FMNL3: variants seen among roughly 807,000 people sequenced by gnomAD.
FMNL3 encodes formin-like protein 3.
A neutral mutation model predicts 119.6 loss-of-function variants in FMNL3; 57 were observed. The ratio of observed to expected loss-of-function variants is 0.48; its 90% CI spans 0.39 to 0.59. The LOEUF is 0.59. Ranked by LOEUF, FMNL3 falls within the 20% of genes least tolerant of loss-of-function variation. The pLI is 0.00. For missense variants in FMNL3, 1,053 were observed against 1,323.5 expected (o/e 0.80, Z 3.17); for synonymous variants, 491 against 507.3 (o/e 0.97, Z 0.43).
At position 49,643,990 on chromosome 12, in the gene FMNL3, A is replaced by G. The variant is rs1181301180; in HGVS notation, c.*1825T>C. On this transcript the variant is annotated 3_prime_UTR_variant, in exon 26 of 26. Coordinates refer to ENST00000335154, the MANE Select transcript of FMNL3 (RefSeq NM_175736.5). ...CCCTAACCGTTCCCCAGGCTTTGGA[A>G]TCAAGAAGGAGAAGGTGAGGGGCAG... 17 of 1,614,062 alleles carry G rather than the reference A, an allele frequency of 1.1e-5. No homozygotes were observed. The highest frequency in any genetic ancestry group is 1.4e-5 in the Non-Finnish European group (17 of 1,180,034).
chr12:49,652,862 G>C (rs539822109), intron 13 of FMNL3, among the ~76,000 whole-genome samples: 1 of 152,274 alleles, frequency 6.6e-6, no homozygotes, highest in Admixed American at 6.5e-5. Context: ...CTAATACACA[G>C]AGCACTTGGT....
intron 1 of FMNL3, among the ~76,000 whole-genome samples, chr12:49,681,460 A>T (rs1473740096): frequency 6.6e-6 from 1 of 152,154 alleles, no homozygotes; most frequent in Non-Finnish European, 1.5e-5. Flanking sequence ...AAGTGCTGGG[A>T]TTACAAGCGT....
chr12:49,706,784 G>A (rs1056692058), intron 1 of FMNL3, among the ~76,000 whole-genome samples: 1 of 152,222 alleles, frequency 6.6e-6, no homozygotes, highest in Admixed American at 6.5e-5. Flanking sequence ...GGAGGAAGAA[G>A]GAGGGAGAAG....
Position 49,636,633 on chromosome 12 carries a change from C to T in FMNL3, c.*9182G>A. On this transcript the variant is annotated 3_prime_UTR_variant, in exon 26 of 26. Transcript: ENST00000335154. ...GGTATCCCTAGCACCTGTAGGACAG[C>T]ATCGTTGAAACATTAGGGGTGCTGG... is the stretch of plus-strand genomic sequence containing the variant. 1 of 1,583,580 alleles carries T rather than the reference C, an allele frequency of 6.3e-7. No individual in the cohort carries two copies. Among genetic ancestry groups the T allele is most frequent in the Non-Finnish European group, 8.6e-7 (1 of 1,158,178 alleles).
chr12:49,671,773 C>A (rs542242616), intron 1 of FMNL3, among the ~76,000 whole-genome samples: 2 of 152,184 alleles, frequency 1.3e-5, no homozygotes, highest in Non-Finnish European at 2.9e-5. Context: ...TTCAGTGGTT[C>A]CACAGACACT....
chr12:49,665,231 A>G (rs1441466856), intron 4 of FMNL3, among the ~76,000 whole-genome samples: 1 of 151,380 alleles, frequency 6.6e-6, no homozygotes, highest in Non-Finnish European at 1.5e-5. Flanking sequence ...GGGACTGGAA[A>G]AAAAAAAAAA....
At chr12:49,653,393 C>T (rs998895085) in intron 12 of FMNL3, 66 bp from the exon 13 acceptor site, 2 of 1,539,352 alleles carry the variant, frequency 1.3e-6, no homozygotes, top group East Asian at 4.5e-5. Context: ...CAGCCTGAAC[C>T]CTAGTCAAGA....
chr12:49,702,278 A>C (rs758780582), intron 1 of FMNL3, among the ~76,000 whole-genome samples: 20 of 152,180 alleles, frequency 1.3e-4, no homozygotes, highest in Non-Finnish European at 2.2e-4. Context: ...ATGTCACTGC[A>C]CTCCACCATG....
chr12:49,643,582 C>T lies in FMNL3; in HGVS notation c.*2233G>A, dbSNP rs1942954993. On this transcript the variant is annotated 3_prime_UTR_variant, in exon 26 of 26. Coordinates refer to ENST00000335154, the MANE Select transcript of FMNL3 (RefSeq NM_175736.5). Reference sequence around the variant, plus strand: ...AGAAGGAAAACTGGACTTAGACTTCCTCAGAGCATGAGGTTCCTGCCTGTG... The same window carrying T: ...AGAAGGAAAACTGGACTTAGACTTCTTCAGAGCATGAGGTTCCTGCCTGTG... 1 of 1,398,052 alleles carries T rather than the reference C, an allele frequency of 7.2e-7. No individual in the cohort carries two copies. The highest frequency in any genetic ancestry group is 2.4e-5 in the East Asian group (1 of 42,278). The allele number at this position is 1,398,052 out of a possible 1,614,324, so 86.6% of individuals were successfully genotyped here.
chr12:49,645,811 G>T lies in FMNL3; in HGVS notation c.*4C>A, dbSNP rs374922199. 33 of 1,598,368 alleles carry T rather than the reference G, an allele frequency of 2.1e-5. No individual in the cohort carries two copies. Among genetic ancestry groups the T allele is most frequent in the Non-Finnish European group, 2.6e-5 (30 of 1,175,136 alleles). On this transcript the variant is annotated 3_prime_UTR_variant, in exon 26 of 26. Coordinates refer to ENST00000335154, the MANE Select transcript of FMNL3 (RefSeq NM_175736.5). The stretch of plus-strand genomic sequence containing the variant: ...GGTGAAGTGCTTCTGCCTCCGAGAG[G>T]GTCTCAGTGGGGGCCTGGAGCCCGA...
Position 49,647,894 on chromosome 12 carries a change from C to A in FMNL3, c.2677-90G>T, listed in dbSNP as rs1031378470. The A allele has an allele frequency of 4.5e-6, 5 of 1,102,088 alleles. No homozygotes were observed. The African/African-American group carries it at 4.7e-5, about 10-fold the overall frequency. 68.3% of individuals were successfully genotyped at this position (1,102,088 alleles called of 1,614,324 possible). A position where few individuals can be genotyped will look rare whatever the true frequency, so the allele number is the denominator to read the frequency against. ...GATGAGAGGCCTGCAGAAAGCAGAG[C>A]CCAGGGCCAAAGGGAGGAAAACCAA... On this transcript the variant is annotated intron_variant, in intron 22 of 25. Transcript: ENST00000335154. The surrounding 1 kb of genome is among the most constrained non-coding windows in gnomAD (Gnocchi z 4.9).
chr12:49,706,755 G>A (rs1420151391), intron 1 of FMNL3, among the ~76,000 whole-genome samples: 1 of 152,204 alleles, frequency 6.6e-6, no homozygotes, highest in Non-Finnish European at 1.5e-5. Flanking sequence ...GGGGAAACGG[G>A]AAAAGGGCAG....
At chr12:49,685,715 T>C (rs776940879) in intron 1 of FMNL3, among the ~76,000 whole-genome samples, 1 of 152,222 alleles carries the variant, frequency 6.6e-6, no homozygotes, top group Non-Finnish European at 1.5e-5. Flanking sequence ...TTAAATATTT[T>C]TGTTAGGCTC....
rs1317491836 is a variant in FMNL3 at position 49,707,376 on chromosome 12, C to G, written c.-196G>C. ...GCGAGGGCGGAGGCAGCGTAGCGGA[C>G]AGCCGCACCGAAGCAAGGCGGACGG... On this transcript the variant is annotated 5_prime_UTR_variant, in exon 1 of 26. Transcript: ENST00000335154. 4.7e-6 allele frequency: 2 copies of G among 427,270 alleles called. No homozygotes were observed. The highest frequency in any genetic ancestry group is 8.0e-6 in the Non-Finnish European group (2 of 248,772). The allele number at this position is 427,270 out of a possible 1,614,324, so 26.5% of individuals were successfully genotyped here.
chr12:49,638,133 G>C lies in FMNL3; in HGVS notation c.*7682C>G, dbSNP rs1942098063. On this transcript the variant is annotated 3_prime_UTR_variant, in exon 26 of 26. Transcript: ENST00000335154. ...AGAAATTTGTAGGTGGAAGAGGTTG[G>C]AGTGTACACGGGGTACTAAGAGCAA... 2 of 346,060 alleles carry C rather than the reference G, an allele frequency of 5.8e-6. No homozygotes were observed. Among genetic ancestry groups the C allele is most frequent in the Non-Finnish European group, 1.1e-5 (2 of 185,312 alleles). 21.4% of individuals were successfully genotyped at this position (346,060 alleles called of 1,614,324 possible).
In FMNL3 at chr12:49,649,399, C is replaced by T. The variant is rs1242590768; in HGVS notation, c.2305-60G>A. The T allele has an allele frequency of 1.9e-6, 3 of 1,613,540 alleles. No individual in the cohort carries two copies. The highest frequency in any genetic ancestry group is 8.5e-7 in the Non-Finnish European group (1 of 1,179,632). On this transcript the variant is annotated intron_variant, in intron 19 of 25. Transcript: ENST00000335154. This position sits in a 1 kb window ranked among gnomAD's most constrained non-coding sequence, Gnocchi z 5.6. ...CAGGTCCTGAAGGCTCCTTCTTCCT[C>T]TCTGTATAGCCCCAGGCCCCCACCT... is the stretch of plus-strand genomic sequence containing the variant.
Position 49,637,634 on chromosome 12 carries a change from G to T in FMNL3, c.*8181C>A, listed in dbSNP as rs545375851. ...TCTGGCCTGGCTTCCTGCCCTGCCA[G>T]CCTCTCTGCACCCCCTACTACCGGC... On this transcript the variant is annotated 3_prime_UTR_variant, in exon 26 of 26. Coordinates refer to ENST00000335154, the MANE Select transcript of FMNL3 (RefSeq NM_175736.5). 1.3e-6 allele frequency: 2 copies of T among 1,585,224 alleles called. No homozygotes were observed. The highest frequency in any genetic ancestry group is 1.7e-6 in the Non-Finnish European group (2 of 1,156,532).
rs559766108 is a variant in FMNL3 at position 49,644,555 on chromosome 12, G to A, written c.*1260C>T. 50 of 269,224 alleles carry A rather than the reference G, an allele frequency of 1.9e-4. No individual in the cohort carries two copies. The highest frequency in any genetic ancestry group is 1.0e-3 in the African/African-American group (48 of 46,084). The allele number at this position is 269,224 out of a possible 1,614,324, so 16.7% of individuals were successfully genotyped here. Reference sequence around the variant, plus strand: ...AGGGTCATCACCCTCTAGCATCAGTGCCTGCTCCTGCCTGCCCTGGCCCTG... The same window carrying A: ...AGGGTCATCACCCTCTAGCATCAGTACCTGCTCCTGCCTGCCCTGGCCCTG... On this transcript the variant is annotated 3_prime_UTR_variant, in exon 26 of 26. Coordinates refer to ENST00000335154, the MANE Select transcript of FMNL3 (RefSeq NM_175736.5).
At chr12:49,683,467 T>G (rs1944385930) in intron 1 of FMNL3, among the ~76,000 whole-genome samples, 2 of 152,174 alleles carry the variant, frequency 1.3e-5, no homozygotes, top group Admixed American at 6.5e-5. Flanking sequence ...CTCCCTCACC[T>G]CTATCCTCAC....
Sources: gnomAD v4.1 joint callset for allele counts (sites outside exome capture counted in the v4.1 genomes callset) on GRCh38, gnomAD v4.1.1 for gene constraint, Gnocchi (gnomAD v3.1) non-coding constraint, MANE v1.5 for transcripts, NCBI Gene and HGNC (gene_info 2026-07-23, HGNC 2026-07-21) for gene names.